The following MRTFA variants were observed in gnomAD, a reference collection of about 807,000 sequenced individuals.
MRTFA encodes the protein myocardin-related transcription factor A.
Under a neutral mutation model 83.5 loss-of-function variants are expected in MRTFA, and 20 were observed. The ratio of observed to expected loss-of-function variants is 0.24; its 90% confidence interval spans 0.17 to 0.35. The LOEUF (loss-of-function observed/expected upper bound fraction) is 0.35. Among genes scored for constraint, MRTFA ranks in the 10% least tolerant of loss-of-function variants. The pLI, the probability that MRTFA is intolerant of heterozygous loss-of-function variation, is 1.00. For missense variants in MRTFA, 1,200 were observed against 1,224.7 expected, an observed-to-expected ratio of 0.98 and a Z score of 0.30; for synonymous variants, 659 against 541.2, an observed-to-expected ratio of 1.22 and a Z score of -3.02.
intron 3 of MRTFA, among the ~76,000 whole-genome samples, chr22:40,520,184 A>C (rs1012610646): frequency 1.2e-4 from 19 of 152,308 alleles, no homozygotes; most frequent in Middle Eastern, 6.8e-3. Flanking sequence ...CAATTTAAAA[A>C]ATTGAGATAC....
chr22:40,442,889 A>G (rs978785725), intron 4 of MRTFA, among the ~76,000 whole-genome samples: 6 of 152,208 alleles, frequency 3.9e-5, no homozygotes, highest in Non-Finnish European at 8.8e-5. Context: ...GTAGTTTGAT[A>G]TGGTTGAACC....
chr22:40,555,631 G>C (rs1316208485), intron 2 of MRTFA, among the ~76,000 whole-genome samples: 1 of 149,852 alleles, frequency 6.7e-6, no homozygotes, highest in Non-Finnish European at 1.5e-5. Flanking sequence ...TATGTAGTTA[G>C]TAAGAATAAT....
At chr22:40,412,116 A>C (rs1432631426) in intron 14 of MRTFA, 1 of 411,504 alleles carries the variant, frequency 2.4e-6, no homozygotes, top group African/African-American at 2.0e-5. Context: ...TCCGGAATAC[A>C]CAGAGAACTT....
rs1027855309 is a variant in MRTFA at position 40,621,745 on chromosome 22, C to T, written c.-84+14733G>A. Among the ~76,000 whole-genome samples, 4 of 152,228 alleles carry T rather than the reference C, an allele frequency of 2.6e-5. No homozygotes were observed. The East Asian group carries it at 7.7e-4, about 29-fold the overall frequency. ...GCCAGAGACTCAGAGGGCAGAGTCT[C>T]GAGTAAAAGAAAATTACTCACAGGC... On this transcript the variant is annotated intron_variant, in intron 1 of 14. Transcript: ENST00000355630.
At chr22:40,491,046 T>A (rs1310260820) in intron 3 of MRTFA, among the ~76,000 whole-genome samples, 1 of 152,110 alleles carries the variant, frequency 6.6e-6, no homozygotes, top group Non-Finnish European at 1.5e-5. Flanking sequence ...TCCTGCAGTA[T>A]AAGACTATGA....
intron 3 of MRTFA, among the ~76,000 whole-genome samples, chr22:40,502,029 G>A (rs1225793464): frequency 7.2e-6 from 1 of 139,202 alleles, no homozygotes; most frequent in Non-Finnish European, 1.6e-5. Context: ...CCAGGCGGGG[G>A]GCTGACCCCC....
chr22:40,540,906 T>C (rs1278306944), intron 3 of MRTFA, among the ~76,000 whole-genome samples: 1 of 152,012 alleles, frequency 6.6e-6, no homozygotes, highest in African/African-American at 2.4e-5. Context: ...AAGCCCTTAT[T>C]TATCACAGAA....
intron 4 of MRTFA, among the ~76,000 whole-genome samples, chr22:40,450,020 C>T (rs1215862895): frequency 2.0e-5 from 3 of 152,188 alleles, no homozygotes; most frequent in South Asian, 2.1e-4. Context: ...GAGAGGGTCC[C>T]TCACACACTG....
In MRTFA at chr22:40,418,657, G is replaced by A. The variant is rs1447688546; in HGVS notation, c.2081C>T (p.Ala694Val). Residue 694 changes from alanine to valine, a missense_variant, in exon 12 of 15, where the codon GCT becomes GTT. Physicochemically the swap from Ala to Val is moderately conservative, Grantham distance 64. Coordinates refer to ENST00000355630, the MANE Select transcript of MRTFA (RefSeq NM_020831.6). ...CGCCAGGCTGGGGTTGAATGGGTGA[G>A]CGGGGCCCAGGGGCTGCTGGCTCAG... The A allele has an allele frequency of 1.3e-6, 2 of 1,528,784 alleles. No homozygotes were observed. Among genetic ancestry groups the A allele is most frequent in the Non-Finnish European group, 1.7e-6 (2 of 1,146,686 alleles). 94.7% of individuals were successfully genotyped at this position (1,528,784 alleles called of 1,614,324 possible).
At chr22:40,422,886 G>T (rs2052870859) in intron 9 of MRTFA, among the ~76,000 whole-genome samples, 1 of 152,242 alleles carries the variant, frequency 6.6e-6, no homozygotes, top group African/African-American at 2.4e-5. Flanking sequence ...AGAAAGGACA[G>T]AGCACAAAGG....
chr22:40,478,971 A>G (rs912763294), intron 3 of MRTFA, among the ~76,000 whole-genome samples: 1 of 152,104 alleles, frequency 6.6e-6, no homozygotes, highest in African/African-American at 2.4e-5. Context: ...ACCATTCCAG[A>G]GGAGTGAATG....
At chr22:40,561,786 T>G (rs868525625) in intron 2 of MRTFA, among the ~76,000 whole-genome samples, 2 of 152,190 alleles carry the variant, frequency 1.3e-5, no homozygotes, top group Non-Finnish European at 2.9e-5. Context: ...TTCCCATTAA[T>G]GGTGGGGTTT....
intron 2 of MRTFA, among the ~76,000 whole-genome samples, chr22:40,555,848 C>T (rs138074881): frequency 0.012 from 1,850 of 151,834 alleles, 31 homozygotes; most frequent in African/African-American, 0.042. Context: ...CCAATGTTAG[C>T]CAGGATGGTC....
intron 2 of MRTFA, among the ~76,000 whole-genome samples, chr22:40,584,105 TG>T (rs1159951295): frequency 6.6e-6 from 1 of 152,226 alleles, no homozygotes. Context: ...TTACAGTAGA[TG>T]GGAAAAAAAT....
chr22:40,535,884 G>A (rs2055163262), intron 3 of MRTFA, among the ~76,000 whole-genome samples: 1 of 152,158 alleles, frequency 6.6e-6, no homozygotes, highest in Non-Finnish European at 1.5e-5. Context: ...TGAGAGTCAT[G>A]TGATAGGAAT....
At chr22:40,525,812 A>C (rs5995870) in intron 3 of MRTFA, among the ~76,000 whole-genome samples, 1 of 152,050 alleles carries the variant, frequency 6.6e-6, no homozygotes, top group South Asian at 2.1e-4. Flanking sequence ...AAGTGCTTAC[A>C]ATACACGAAG....
intron 1 of MRTFA, among the ~76,000 whole-genome samples, chr22:40,595,906 T>C (rs2056186292): frequency 7.0e-6 from 1 of 143,822 alleles, no homozygotes; most frequent in Non-Finnish European, 1.5e-5. Context: ...GGTCTCACTC[T>C]GTTGCCCAGG....
chr22:40,429,759 C>T lies in MRTFA; in HGVS notation c.448G>A (p.Ala150Thr). ...TGCTTGGCCTGGAGGGATGGCTCAG[C>T]CGAGGTCTCTGCCCATGGGAGAGAA... Residue 150 changes from alanine (A) to threonine (T), a missense_variant, in exon 7 of 15, where the codon GCT (alanine) becomes ACT (threonine). Physicochemically the swap from Ala to Thr is moderately conservative, Grantham distance 58. Coordinates refer to ENST00000355630, the MANE Select transcript of MRTFA (RefSeq NM_020831.6). 6.2e-7 allele frequency: 1 copy of T among 1,611,812 alleles called. No homozygotes were observed. Among genetic ancestry groups the T allele is most frequent in the South Asian group, 1.1e-5 (1 of 90,952 alleles).
In MRTFA at chr22:40,419,056, G is replaced by A; in HGVS notation, c.1682C>T (p.Ser561Leu). Reference sequence around the variant, plus strand: ...GTTTTCATCGCCCGTGCTGAGCAGTGAGCGCTCCGAGGGGGTGGGAGACAC... The same window carrying A: ...GTTTTCATCGCCCGTGCTGAGCAGTAAGCGCTCCGAGGGGGTGGGAGACAC... The change falls in exon 12 of 15, where the codon TCA (serine) becomes TTA (leucine). Residue 561 changes from serine to leucine, a missense_variant. Ser to Leu is a moderately radical substitution (Grantham distance 145). Transcript: ENST00000355630. 1.2e-6 allele frequency: 2 copies of A among 1,610,642 alleles called. No homozygotes were observed. The highest frequency in any genetic ancestry group is 1.7e-4 in the Middle Eastern group (1 of 6,060).
Sources: allele counts gnomAD v4.1 joint callset (sites outside exome capture counted in the v4.1 genomes callset), GRCh38; gene constraint gnomAD v4.1.1; transcripts MANE v1.5; gene names NCBI Gene and HGNC (gene_info 2026-07-23, HGNC 2026-07-21).